TXNRD1: variants seen among roughly 807,000 people sequenced by gnomAD.
TXNRD1 encodes thioredoxin reductase 1, cytoplasmic.
In TXNRD1, 57 loss-of-function variants were observed where a neutral mutation model predicts 80.3. The observed-to-expected ratio is 0.71, with a 90% CI of 0.57 to 0.89. The LOEUF is 0.89. Ranked by LOEUF, TXNRD1 falls within the 40% of genes least tolerant of loss-of-function variation. The pLI, the probability that TXNRD1 is intolerant of heterozygous loss-of-function variation, is 0.00. For synonymous variants in TXNRD1, 291 were observed against 285.2 expected (o/e 1.02, Z -0.20); for missense variants, 730 against 803.0 (o/e 0.91, Z 1.10).
chr12:104,322,586 G>A (rs1024878715), intron 10 of TXNRD1, among the ~76,000 whole-genome samples: 1 of 151,770 alleles, frequency 6.6e-6, no homozygotes, highest in Admixed American at 6.6e-5. Flanking sequence ...CACCATGTTG[G>A]CCAGGCTGGT....
chr12:104,260,801 C>G (rs574470220), intron 3 of TXNRD1, among the ~76,000 whole-genome samples: 1 of 152,128 alleles, frequency 6.6e-6, no homozygotes, highest in South Asian at 2.1e-4. Flanking sequence ...AATAACCAAA[C>G]GGAACAATAA....
At chr12:104,281,158 T>A (rs2135735162) in intron 3 of TXNRD1, among the ~76,000 whole-genome samples, 1 of 152,320 alleles carries the variant, frequency 6.6e-6, no homozygotes, top group East Asian at 1.9e-4. Flanking sequence ...TGGGTGTTCC[T>A]GCTTTTCATT....
intron 1 of TXNRD1, among the ~76,000 whole-genome samples, chr12:104,230,349 A>G (rs2032590073): frequency 6.6e-6 from 1 of 152,056 alleles, no homozygotes; most frequent in Non-Finnish European, 1.5e-5. Flanking sequence ...GATTACAGGC[A>G]TGAGCCACTG....
At chr12:104,299,975 AGT>A (rs2034567422) in intron 4 of TXNRD1, among the ~76,000 whole-genome samples, 2 of 152,134 alleles carry the variant, frequency 1.3e-5, no homozygotes, top group Admixed American at 6.6e-5. Flanking sequence ...TATATGTTAG[AGT>A]GTGGGACTCA....
intron 16 of TXNRD1, among the ~76,000 whole-genome samples, chr12:104,342,169 T>C (rs1322223607): frequency 6.6e-6 from 1 of 152,098 alleles, no homozygotes; most frequent in East Asian, 1.9e-4. Flanking sequence ...AATTACCCAA[T>C]CTCCTGCTCC....
intron 4 of TXNRD1, among the ~76,000 whole-genome samples, chr12:104,294,330 G>C (rs139417016): frequency 6.6e-6 from 1 of 150,810 alleles, no homozygotes; most frequent in African/African-American, 2.4e-5. Context: ...TCTTGGTGAC[G>C]GGCGTCTTCC....
intron 4 of TXNRD1, among the ~76,000 whole-genome samples, chr12:104,300,183 A>G (rs2034574748): frequency 6.6e-6 from 1 of 152,260 alleles, no homozygotes; most frequent in African/African-American, 2.4e-5. Flanking sequence ...GTTGTGGGAA[A>G]GAGCTCAAGA....
intron 4 of TXNRD1, chr12:104,304,848 G>GAGTT (rs1565890090): frequency 6.2e-7 from 1 of 1,613,964 alleles, no homozygotes. Context: ...AGGAAACAGG[G>GAGTT]AGTTATATCT....
chr12:104,304,206 G>A, intron 4 of TXNRD1: 2 of 1,614,040 alleles, frequency 1.2e-6, no homozygotes, highest in Non-Finnish European at 1.7e-6. Context: ...CTCGACGCCC[G>A]GTTTCTTGTT....
In TXNRD1 at chr12:104,318,927, G is replaced by C. The variant is rs763437541; in HGVS notation, c.745G>C (p.Asp249His). 6.2e-7 allele frequency: 1 copy of C among 1,612,210 alleles called. No homozygotes were observed. Among genetic ancestry groups the C allele is most frequent in the Non-Finnish European group, 8.5e-7 (1 of 1,179,468 alleles). The change falls in exon 8 of 17, where the codon GAC becomes CAC. Residue 249 changes from aspartate to histidine, a missense_variant. By Grantham distance (81) the Asp-to-His change is moderately conservative. Transcript: ENST00000525566. ...KVEETVKHDW[D>H]RMIEAVQNHI... Reference sequence around the variant, plus strand: ...TTCTTATACAGTTAAGCATGATTGGGACAGAATGATAGAAGCTGTACAGAA... The same window carrying C: ...TTCTTATACAGTTAAGCATGATTGGCACAGAATGATAGAAGCTGTACAGAA...
intron 15 of TXNRD1, among the ~76,000 whole-genome samples, chr12:104,337,233 T>C (rs2036169032): frequency 6.6e-6 from 1 of 151,976 alleles, no homozygotes; most frequent in Admixed American, 6.6e-5. Context: ...AAACCCGGAA[T>C]CGTCAGGGCG....
intron 3 of TXNRD1, among the ~76,000 whole-genome samples, chr12:104,262,027 C>T (rs539889422): frequency 1.3e-5 from 2 of 148,930 alleles, no homozygotes; most frequent in African/African-American, 2.5e-5. Flanking sequence ...GGATTACAGG[C>T]GCGAGACCAG....
chr12:104,297,432 C>T (rs1454117318), intron 4 of TXNRD1, among the ~76,000 whole-genome samples: 1 of 151,716 alleles, frequency 6.6e-6, no homozygotes, highest in African/African-American at 2.4e-5. Context: ...ACTGTGTGAT[C>T]TCAGTTCACT....
chr12:104,224,713 T>G (rs1006923162), intron 1 of TXNRD1: 10 of 391,764 alleles, frequency 2.6e-5, no homozygotes, highest in African/African-American at 6.3e-5. Flanking sequence ...ATTTCCTGTT[T>G]GGGATAGTTC....
intron 9 of TXNRD1, among the ~76,000 whole-genome samples, chr12:104,320,742 G>GT (rs2035499288): frequency 6.6e-6 from 1 of 152,056 alleles, no homozygotes; most frequent in South Asian, 2.1e-4. Flanking sequence ...TCAGAGCTGA[G>GT]TGGTGGCATG....
intron 1 of TXNRD1, among the ~76,000 whole-genome samples, chr12:104,233,245 A>G (rs531079652): frequency 6.6e-6 from 1 of 152,352 alleles, no homozygotes; most frequent in East Asian, 1.9e-4. Flanking sequence ...AGGAAGCTTG[A>G]CGGAAGTTAG....
At chr12:104,224,744 G>C in intron 1 of TXNRD1, 3 of 439,160 alleles carry the variant, frequency 6.8e-6, no homozygotes, top group South Asian at 3.2e-5. Context: ...GTAGATGCTC[G>C]GTAAATGTTC....
chr12:104,335,355 C>G (rs886928560), intron 15 of TXNRD1, among the ~76,000 whole-genome samples: 1 of 152,082 alleles, frequency 6.6e-6, no homozygotes, highest in Non-Finnish European at 1.5e-5. Context: ...GCACCCACCA[C>G]CATGCCCAGC....
In TXNRD1 at chr12:104,252,722, A is replaced by G. The variant is rs1341002098; in HGVS notation, c.243+1044A>G. On this transcript the variant is annotated intron_variant, in intron 2 of 16. Transcript: ENST00000525566. ...TTTTTTTTTTTTTTTTTTTTTTTTG[A>G]GACGGAGTCTCGCTCTGTTGCCAAG... is the stretch of plus-strand genomic sequence containing the variant. Among the ~76,000 whole-genome samples, 5 of 34,490 alleles carry G rather than the reference A, an allele frequency of 1.4e-4. No individual in the cohort carries two copies. In the East Asian group the frequency reaches 3.8e-3, roughly 26 times the overall value. The allele number at this position is 34,490 out of a possible 152,430, so 22.6% of individuals were successfully genotyped here. A position where few individuals can be genotyped will look rare whatever the true frequency, so the allele number is the denominator to read the frequency against.
Sources: gnomAD v4.1 joint callset for allele counts (sites outside exome capture counted in the v4.1 genomes callset) on GRCh38, gnomAD v4.1.1 for gene constraint, MANE v1.5 for transcripts, NCBI Gene and HGNC (gene_info 2026-07-23, HGNC 2026-07-21) for gene names.